The following RAD52 variants were observed in gnomAD, a reference collection of about 807,000 sequenced individuals.
RAD52 encodes the protein RAD52 DNA repair protein.
RAD52 carries 47 observed loss-of-function variants against 55.5 expected under a neutral mutation model. The ratio of observed to expected loss-of-function variants is 0.85; its 90% CI spans 0.67 to 1.08. The LOEUF (loss-of-function observed/expected upper bound fraction) is 1.08. Among genes scored for constraint, RAD52 ranks in the 50% least tolerant of loss-of-function variants. RAD52 has a pLI of 0.00. For synonymous variants in RAD52, 184 were observed against 198.9 expected (o/e 0.92, Z 0.63); for missense variants, 468 against 522.8 (o/e 0.90, Z 1.02).
intron 1 of RAD52, among the ~76,000 whole-genome samples, chr12:966,923 A>G (rs1025353428): frequency 3.9e-5 from 6 of 151,930 alleles, no homozygotes; most frequent in Admixed American, 2.0e-4. Context: ...AAAAAAATCT[A>G]TTTTGGCTAC....
At chr12:935,380 CTTTTTTTT>C (rs34383735) in intron 1 of RAD52, among the ~76,000 whole-genome samples, 12 of 128,516 alleles carry the variant, frequency 9.3e-5, no homozygotes, top group East Asian at 6.8e-4. Context: ...ACCTGTGAAT[CTTTTTTTT>C]TTTTTTTTTT....
At chr12:917,485 T>C (rs763277854) in intron 7 of RAD52, among the ~76,000 whole-genome samples, 1 of 152,104 alleles carries the variant, frequency 6.6e-6, no homozygotes, top group Non-Finnish European at 1.5e-5. Context: ...GATGGAATAA[T>C]TGTTTGAATA....
chr12:986,602 C>T (rs1043417930), intron 1 of RAD52, among the ~76,000 whole-genome samples: 1 of 151,954 alleles, frequency 6.6e-6, no homozygotes, highest in African/African-American at 2.4e-5. Flanking sequence ...TGTCCTCAAG[C>T]GATCTTCTTG....
chr12:926,876 C>G (rs7487683), intron 6 of RAD52: 19 of 1,536,468 alleles, frequency 1.2e-5, no homozygotes, highest in Admixed American at 2.0e-5. Context: ...GGAAGGCCTC[C>G]GGCACACATG....
intron 1 of RAD52, among the ~76,000 whole-genome samples, chr12:973,779 C>CTTTTTTTTTTTTTTTTTTT: frequency 7.3e-6 from 1 of 136,848 alleles, no homozygotes. Context: ...ACGCCCAGTC[C>CTTTTTTTTTTTTTTTTTTT]TTCTTTTTTT....
Position 984,348 on chromosome 12 carries a change from A to G in RAD52, c.-19+5461T>C, listed in dbSNP as rs142807555. ...ATAGCTGGGATTCTAGGTGCCTGCC[A>G]CCACACCCAGCTAATTTTTTTGTAT... is the stretch of plus-strand genomic sequence containing the variant. On this transcript the variant is annotated intron_variant, in intron 1 of 11. Coordinates refer to the RAD52 transcript ENST00000430095. Among the ~76,000 whole-genome samples, 1,143 of 152,068 alleles carry G rather than the reference A, an allele frequency of 7.5e-3. 13 individuals carry two copies. The highest frequency in any genetic ancestry group is 0.026 in the African/African-American group (1,091 of 41,454).
intron 10 of RAD52, 27 bp from the exon 11 acceptor site, chr12:914,148 A>G: frequency 6.3e-7 from 1 of 1,580,910 alleles, no homozygotes; most frequent in Non-Finnish European, 8.7e-7. Context: ...AAAGTGCGTC[A>G]TCAGCAAATA....
At chr12:928,118 CAATT>C (rs1280313725) in intron 5 of RAD52, among the ~76,000 whole-genome samples, 1 of 152,236 alleles carries the variant, frequency 6.6e-6, no homozygotes, top group Non-Finnish European at 1.5e-5. Context: ...CACTATAACA[CAATT>C]CTTTCCATTC....
chr12:981,039 C>G (rs1044413540), intron 1 of RAD52, among the ~76,000 whole-genome samples: 4 of 151,988 alleles, frequency 2.6e-5, no homozygotes, highest in African/African-American at 9.7e-5. Flanking sequence ...TAAATATCAT[C>G]TAAATCATAG....
chr12:972,055 A>C (rs1445708318), intron 1 of RAD52, among the ~76,000 whole-genome samples: 2 of 152,188 alleles, frequency 1.3e-5, no homozygotes, highest in African/African-American at 4.8e-5. Flanking sequence ...GGGAGTAGGT[A>C]GAGGGGAATT....
intron 1 of RAD52, among the ~76,000 whole-genome samples, chr12:988,717 C>A (rs1273660801): frequency 6.6e-6 from 1 of 152,132 alleles, no homozygotes; most frequent in Non-Finnish European, 1.5e-5. Context: ...CCTGGCTTTA[C>A]AACAAACCAC....
intron 1 of RAD52, among the ~76,000 whole-genome samples, chr12:944,202 C>A (rs1464587903): frequency 6.7e-6 from 1 of 149,650 alleles, no homozygotes; most frequent in Non-Finnish European, 1.5e-5. Flanking sequence ...GGTGACAGAA[C>A]GAGACTGTCT....
chr12:968,176 A>G (rs963226122), intron 1 of RAD52, among the ~76,000 whole-genome samples: 1 of 152,170 alleles, frequency 6.6e-6, no homozygotes, highest in Non-Finnish European at 1.5e-5. Flanking sequence ...TATTAAGTTT[A>G]TCAGAACTCT....
intron 1 of RAD52, among the ~76,000 whole-genome samples, chr12:980,576 G>A (rs1176770014): frequency 1.3e-5 from 2 of 150,082 alleles, no homozygotes; most frequent in South Asian, 2.1e-4. Flanking sequence ...TTACAGGCAT[G>A]AGCCACTGCA....
At chr12:932,815 ACAC>A (rs1565673004) in intron 2 of RAD52, among the ~76,000 whole-genome samples, 157 bp downstream of exon 2, 80 of 85,474 alleles carry the variant, frequency 9.4e-4, no homozygotes, top group African/African-American at 1.6e-3. Flanking sequence ...GGTACTGCTC[ACAC>A]ACGTACTAGG....
chr12:947,868 A>G (rs1958333578), intron 1 of RAD52, among the ~76,000 whole-genome samples: 1 of 140,372 alleles, frequency 7.1e-6, no homozygotes, highest in Non-Finnish European at 1.5e-5. Context: ...CCTGGGCAAC[A>G]AGAGTGAAAC....
chr12:957,967 G>A (rs914818684), intron 1 of RAD52, among the ~76,000 whole-genome samples: 2 of 152,196 alleles, frequency 1.3e-5, no homozygotes, highest in African/African-American at 2.4e-5. Flanking sequence ...GGGCGGTCTC[G>A]CCCCTGCACC....
chr12:981,805 T>TAAAATAAAATAAAATAAAATAAAAC (rs1168317754), intron 1 of RAD52, among the ~76,000 whole-genome samples: 1 of 151,924 alleles, frequency 6.6e-6, no homozygotes, highest in Non-Finnish European at 1.5e-5. Context: ...TAAAATAAAA[T>TAAAATAAAATAAAATAAAATAAAAC]AAAACCTAGC....
At chr12:973,779 C>CT (rs1401411600) in intron 1 of RAD52, among the ~76,000 whole-genome samples, 3,635 of 136,616 alleles carry the variant, frequency 0.027, 192 homozygotes, top group African/African-American at 0.09. Context: ...ACGCCCAGTC[C>CT]TTCTTTTTTT....
Sources: allele counts gnomAD v4.1 joint callset (sites outside exome capture counted in the v4.1 genomes callset), GRCh38; gene constraint gnomAD v4.1.1; transcripts MANE v1.5; gene names NCBI Gene and HGNC (gene_info 2026-07-23, HGNC 2026-07-21).